The following TMEM131 variants were observed in gnomAD, a reference collection of about 807,000 sequenced individuals.
TMEM131 encodes the protein 2610524E03Rik.
A neutral mutation model predicts 211.6 loss-of-function variants in TMEM131; 66 were observed. The ratio of observed to expected loss-of-function variants is 0.31; its 90% CI spans 0.26 to 0.38. The LOEUF is 0.38. Ranked by LOEUF, TMEM131 falls within the 10% of genes least tolerant of loss-of-function variation. TMEM131 has a pLI of 1.00. For synonymous variants in TMEM131, 844 were observed against 841.3 expected (o/e 1.00, Z -0.06); for missense variants, 2,036 against 2,299.3 (o/e 0.89, Z 2.34).
intron 22 of TMEM131, among the ~76,000 whole-genome samples, chr2:97,804,682 T>C (rs1036366393): frequency 8.9e-5 from 13 of 146,328 alleles, no homozygotes; most frequent in Non-Finnish European, 1.6e-4. Flanking sequence ...AAACAGACAC[T>C]CTGGTCTTGT....
At chr2:97,924,308 G>C (rs181850600) in intron 2 of TMEM131, among the ~76,000 whole-genome samples, 12 of 152,256 alleles carry the variant, frequency 7.9e-5, no homozygotes, top group Non-Finnish European at 1.6e-4. Context: ...ACTTGGGCCC[G>C]GGAGGTCAAG....
At chr2:97,833,766 T>C (rs1158328772) in intron 10 of TMEM131, among the ~76,000 whole-genome samples, 6 of 151,924 alleles carry the variant, frequency 3.9e-5, no homozygotes, top group Non-Finnish European at 4.4e-5. Context: ...CAAGTGATCC[T>C]CCTACCTCAG....
intron 3 of TMEM131, among the ~76,000 whole-genome samples, chr2:97,895,121 G>A (rs1559431030): frequency 6.6e-6 from 1 of 152,140 alleles, no homozygotes; most frequent in Admixed American, 6.5e-5. Flanking sequence ...TGCATCTATT[G>A]AGATAGTCAT....
intron 1 of TMEM131, among the ~76,000 whole-genome samples, chr2:97,941,272 T>A (rs1451652061): frequency 6.6e-6 from 1 of 152,176 alleles, no homozygotes; most frequent in Non-Finnish European, 1.5e-5. Flanking sequence ...GCTAGCCATA[T>A]GTAGAAAGCT....
chr2:97,834,571 G>T, intron 10 of TMEM131, 50 bp downstream of exon 10: 1 of 1,228,040 alleles, frequency 8.1e-7, no homozygotes, highest in Non-Finnish European at 1.1e-6. Flanking sequence ...GAATACAGGG[G>T]TTAAAAAAAA....
In TMEM131 at chr2:97,841,834, G is replaced by A; in HGVS notation, c.704C>T (p.Pro235Leu). The A allele has an allele frequency of 6.3e-7, 1 of 1,597,864 alleles. No homozygotes were observed. Among genetic ancestry groups the A allele is most frequent in the Non-Finnish European group, 8.5e-7 (1 of 1,171,242 alleles). ...SFSPIINIHN[P>L]HSEPLQVVEM... is the part of the protein sequence containing the mutation. ...ACTCACCTGTAAAGGCTCACTGTGA[G>A]GATTGTGGATGTTTATTATAGGTGA... The change falls in exon 7 of 41, where the codon CCT becomes CTT. Residue 235 changes from proline to leucine, a missense_variant. Coordinates refer to ENST00000186436, the MANE Select transcript of TMEM131 (RefSeq NM_015348.2).
intron 8 of TMEM131, among the ~76,000 whole-genome samples, chr2:97,836,419 C>A (rs928673889): frequency 6.6e-6 from 1 of 152,160 alleles, no homozygotes; most frequent in African/African-American, 2.4e-5. Context: ...GGATATGGAA[C>A]TGAATTGACC....
intron 3 of TMEM131, among the ~76,000 whole-genome samples, chr2:97,894,605 G>C (rs1675524286): frequency 6.6e-6 from 1 of 152,128 alleles, no homozygotes; most frequent in African/African-American, 2.4e-5. Flanking sequence ...CATATCCCTT[G>C]TAAGTTGGAT....
chr2:97,995,519 C>T lies in TMEM131; in HGVS notation c.144G>A (p.Leu48=). 1 of 1,409,956 alleles carries T rather than the reference C, an allele frequency of 7.1e-7. No homozygotes were observed. Among genetic ancestry groups the T allele is most frequent in the Non-Finnish European group, 9.3e-7 (1 of 1,076,176 alleles). 87.3% of individuals were successfully genotyped at this position (1,409,956 alleles called of 1,614,324 possible). A position where few individuals can be genotyped will look rare whatever the true frequency, so the allele number is the denominator to read the frequency against. The stretch of plus-strand genomic sequence containing the variant: ...CCGCAGCCACTACGAGGGTCATCAC[C>T]AGGTGCAGCGCGCCTAGGAGGCCGG... ...AAAGLLGALH[L]VMTLVVAAAR... Residue 48 remains leucine, a synonymous_variant, in exon 1 of 41, where the codon CTG becomes CTA. Transcript: ENST00000186436.
chr2:97,777,523 T>C (rs555580188), intron 31 of TMEM131, among the ~76,000 whole-genome samples: 11 of 152,350 alleles, frequency 7.2e-5, no homozygotes, highest in Admixed American at 5.2e-4. Context: ...GCAACAGAGA[T>C]AGTCTGTGGC....
Position 97,995,477 on chromosome 2 carries a change from T to C in TMEM131, c.186A>G (p.Glu62=), listed in dbSNP as rs1680459695. ...LVVAAARAEK[E]AFVQSESIIE... ...GGGACGCCGCCGGGGGACACCCACCTTCCTTCTCGGCCCGCGCCGCAGCCA... is the reference window on the plus strand; with the variant it reads ...GGGACGCCGCCGGGGGACACCCACCCTCCTTCTCGGCCCGCGCCGCAGCCA... Residue 62 remains glutamate, a splice_region_variant and synonymous_variant, in exon 1 of 41, where the codon GAA becomes GAG. Transcript: ENST00000186436. The C allele has an allele frequency of 1.4e-6, 2 of 1,403,128 alleles. No individual in the cohort carries two copies. Among genetic ancestry groups the C allele is most frequent in the Non-Finnish European group, 9.3e-7 (1 of 1,073,370 alleles). 86.9% of individuals were successfully genotyped at this position (1,403,128 alleles called of 1,614,324 possible). A position where few individuals can be genotyped will look rare whatever the true frequency, so the allele number is the denominator to read the frequency against.
chr2:97,907,741 A>G (rs1378603020), intron 3 of TMEM131, among the ~76,000 whole-genome samples: 8 of 152,226 alleles, frequency 5.3e-5, no homozygotes, highest in African/African-American at 1.9e-4. Flanking sequence ...ACACTGTAAA[A>G]TAACTGGGTT....
In TMEM131 at chr2:97,812,398, G is replaced by A. The variant is rs202025721; in HGVS notation, c.1863+23C>T. ...GTTTAGACATCCATCTTACTTTAAGGAGACAATAGAAAGTTTACTTACCGA... is the reference window on the plus strand; with the variant it reads ...GTTTAGACATCCATCTTACTTTAAGAAGACAATAGAAAGTTTACTTACCGA... On this transcript the variant is annotated intron_variant, in intron 17 of 40. Transcript: ENST00000186436. 7,083 of 1,589,246 alleles carry A rather than the reference G, an allele frequency of 4.5e-3. 30 individuals carry two copies. The highest frequency in any genetic ancestry group is 5.1e-3 in the Admixed American group (274 of 53,712).
chr2:97,889,555 TTATATTCCTATATATAATA>T (rs1027046316), intron 3 of TMEM131, among the ~76,000 whole-genome samples: 210 of 149,034 alleles, frequency 1.4e-3, no homozygotes, highest in Non-Finnish European at 9.5e-4. Flanking sequence ...CTATATAATA[TTATATTCCTATATATAATA>T]TATATTCCTA....
chr2:97,830,739 A>C (rs1374706411), intron 11 of TMEM131, among the ~76,000 whole-genome samples: 1 of 152,222 alleles, frequency 6.6e-6, no homozygotes, highest in South Asian at 2.1e-4. Flanking sequence ...CCATTTTCTC[A>C]AAGTTGCATT....
intron 4 of TMEM131, among the ~76,000 whole-genome samples, chr2:97,884,094 T>C (rs1675043729): frequency 6.6e-6 from 1 of 152,220 alleles, no homozygotes; most frequent in South Asian, 2.1e-4. Flanking sequence ...GCTTTTGCTG[T>C]GCCCCATAGG....
Position 97,961,473 on chromosome 2 carries a change from A to G in TMEM131, c.188-33986T>C, listed in dbSNP as rs143696276. On this transcript the variant is annotated intron_variant, in intron 1 of 40. Coordinates refer to ENST00000186436, the MANE Select transcript of TMEM131 (RefSeq NM_015348.2). ...TTGGGATTAAAAACTCCATGTTGTT[A>G]TATCAATTCTCACCAGTTTGATTAG... Among the ~76,000 whole-genome samples the G allele has an allele frequency of 5.9e-5, 9 of 152,342 alleles. No homozygotes were observed. The East Asian group carries it at 1.5e-3, about 26-fold the overall frequency.
chr2:97,954,675 G>A (rs1383827048), intron 1 of TMEM131, among the ~76,000 whole-genome samples: 1 of 151,842 alleles, frequency 6.6e-6, no homozygotes, highest in Non-Finnish European at 1.5e-5. Context: ...GCGTGGTGGC[G>A]TGCGCCTGTA....
At chr2:97,993,404 T>G (rs987211313) in intron 1 of TMEM131, among the ~76,000 whole-genome samples, 1 of 152,154 alleles carries the variant, frequency 6.6e-6, no homozygotes, top group African/African-American at 2.4e-5. Flanking sequence ...AGTGTCACAA[T>G]CACGTAAGAA....
Sources: gnomAD v4.1 joint callset for allele counts (sites outside exome capture counted in the v4.1 genomes callset) on GRCh38, gnomAD v4.1.1 for gene constraint, MANE v1.5 for transcripts, NCBI Gene and HGNC (gene_info 2026-07-23, HGNC 2026-07-21) for gene names.